Variants in ASTN2 observed in about 807,000 individuals in gnomAD.
ASTN2 encodes the protein astrotactin 2.
In ASTN2, 54 loss-of-function variants were observed where a neutral mutation model predicts 139.8. The ratio of observed to expected loss-of-function variants is 0.39; its 90% CI spans 0.31 to 0.48. ASTN2 has a LOEUF of 0.48. Among genes scored for constraint, ASTN2 ranks in the 20% least tolerant of loss-of-function variants. The probability of loss-of-function intolerance (pLI) is 0.95; values close to 1 mark genes in which losing one functional copy is unlikely to be tolerated. For missense variants in ASTN2, 1,565 were observed against 1,725.1 expected, an observed-to-expected ratio of 0.91 and a Z score of 1.64; for synonymous variants, 756 against 719.5, an observed-to-expected ratio of 1.05 and a Z score of -0.81.
intron 19 of ASTN2, among the ~76,000 whole-genome samples, chr9:116,595,078 C>T (rs920741976): frequency 5.9e-5 from 9 of 152,324 alleles, no homozygotes; most frequent in Admixed American, 3.9e-4. Context: ...CTTAATACTT[C>T]TATGCCCTTA....
At chr9:116,948,932 C>T (rs1028694130) in intron 10 of ASTN2, among the ~76,000 whole-genome samples, 5 of 150,790 alleles carry the variant, frequency 3.3e-5, no homozygotes, top group Admixed American at 2.7e-4. Context: ...GCTGGGATTA[C>T]ATGCACACGC....
intron 7 of ASTN2, among the ~76,000 whole-genome samples, chr9:116,989,739 A>G (rs1836793711): frequency 6.6e-6 from 1 of 152,004 alleles, no homozygotes; most frequent in Non-Finnish European, 1.5e-5. Context: ...ACCCGCCACC[A>G]GGCCCAGCTA....
At chr9:117,217,781 T>C (rs1238447465) in intron 2 of ASTN2, among the ~76,000 whole-genome samples, 1 of 152,232 alleles carries the variant, frequency 6.6e-6, no homozygotes, top group East Asian at 1.9e-4. Context: ...ATTCAGCAAG[T>C]ATACATTCTG....
At chr9:116,642,446 G>A (rs1483238084) in intron 17 of ASTN2, among the ~76,000 whole-genome samples, 1 of 151,984 alleles carries the variant, frequency 6.6e-6, no homozygotes, top group Non-Finnish European at 1.5e-5. Flanking sequence ...TATCCCAAGT[G>A]CCCAGAACAG....
intron 19 of ASTN2, among the ~76,000 whole-genome samples, chr9:116,533,310 G>A (rs1423815014): frequency 6.6e-6 from 1 of 152,084 alleles, no homozygotes; most frequent in Middle Eastern, 3.2e-3. Flanking sequence ...CTGCAAACAG[G>A]GACAATTTGA....
chr9:116,508,485 A>AGTGT lies in ASTN2; in HGVS notation c.3356-20989_3356-20986dup, dbSNP rs112019921. 1.9e-4 allele frequency among the ~76,000 whole-genome samples: 28 copies of AGTGT among 150,206 alleles called. 1 individual carries two copies. In the East Asian group the frequency reaches 2.3e-3, roughly 13 times the overall value. Reference sequence around the variant, plus strand: ...AAGGGTAGAAGTGTGTGTGAGTGTGAGTGTGTGTGTGTGTGTGTACTAGAG... The same window carrying AGTGT: ...AAGGGTAGAAGTGTGTGTGAGTGTGAGTGTGTGTGTGTGTGTGTGTGTACTAGAG... On this transcript the variant is annotated intron_variant, in intron 19 of 22. Coordinates refer to ENST00000313400, the MANE Select transcript of ASTN2 (RefSeq NM_001365068.1).
At chr9:116,513,962 G>A (rs187437684) in intron 19 of ASTN2, among the ~76,000 whole-genome samples, 12 of 151,476 alleles carry the variant, frequency 7.9e-5, no homozygotes, top group East Asian at 7.7e-4. Context: ...CCTTTAGCTC[G>A]GAGAAGTTTG....
In ASTN2 at chr9:116,507,166, A is replaced by C. The variant is rs1476497189; in HGVS notation, c.3356-19666T>G. 2.6e-5 allele frequency among the ~76,000 whole-genome samples: 4 copies of C among 152,298 alleles called. No homozygotes were observed. In the East Asian group the frequency reaches 5.8e-4, roughly 22 times the overall value. On this transcript the variant is annotated intron_variant, in intron 19 of 22. Coordinates refer to ENST00000313400, the MANE Select transcript of ASTN2 (RefSeq NM_001365068.1). ...GATGAAGAAATGGAGACGCAACATC[A>C]GTGAGCGTCTCCAAACTTACACCAA...
chr9:116,881,234 C>T (rs114986827), intron 10 of ASTN2, among the ~76,000 whole-genome samples: 2,385 of 152,214 alleles, frequency 0.016, 63 homozygotes, highest in African/African-American at 0.052. Context: ...GGCCCAGTCA[C>T]GTGTGTTTTA....
intron 13 of ASTN2, among the ~76,000 whole-genome samples, chr9:116,753,669 AAAAAT>A (rs1829459576): frequency 6.6e-6 from 1 of 152,230 alleles, no homozygotes; most frequent in African/African-American, 2.4e-5. Flanking sequence ...AAACTGCCTT[AAAAAT>A]AAAATCTATT....
intron 19 of ASTN2, among the ~76,000 whole-genome samples, chr9:116,523,885 C>T (rs142201283): frequency 6.6e-6 from 1 of 152,288 alleles, no homozygotes; most frequent in Non-Finnish European, 1.5e-5. Context: ...CTCTACAAGG[C>T]AGGCAAAGGA....
At chr9:116,773,342 T>C (rs543834169) in intron 13 of ASTN2, among the ~76,000 whole-genome samples, 3 of 152,188 alleles carry the variant, frequency 2.0e-5, no homozygotes, top group Admixed American at 6.5e-5. Context: ...TTTTCCTCTC[T>C]GAAAGTCTCT....
chr9:117,330,729 C>A (rs541193277), intron 1 of ASTN2, among the ~76,000 whole-genome samples: 4 of 152,190 alleles, frequency 2.6e-5, no homozygotes, highest in African/African-American at 9.7e-5. Context: ...TAATAGGAAA[C>A]CCCAAATTCA....
intron 1 of ASTN2, among the ~76,000 whole-genome samples, chr9:117,319,794 C>T (rs1473245124): frequency 2.0e-5 from 3 of 152,050 alleles, no homozygotes; most frequent in Non-Finnish European, 4.4e-5. Context: ...GTCAGCAAGA[C>T]CCCATTAGAC....
intron 19 of ASTN2, among the ~76,000 whole-genome samples, chr9:116,534,841 A>C (rs1244237941): frequency 6.6e-6 from 1 of 152,170 alleles, no homozygotes; most frequent in Non-Finnish European, 1.5e-5. Context: ...TATTCTGTTG[A>C]CTTGGGGTGG....
At chr9:116,694,851 A>T (rs894687565) in intron 16 of ASTN2, among the ~76,000 whole-genome samples, 8 of 152,062 alleles carry the variant, frequency 5.3e-5, no homozygotes, top group African/African-American at 1.7e-4. Flanking sequence ...TCATAGTTTC[A>T]GATATCCACA....
At chr9:116,729,124 G>A (rs765639765) in intron 14 of ASTN2, 28 bp from the exon 15 acceptor site, 15 of 1,528,060 alleles carry the variant, frequency 9.8e-6, no homozygotes, top group Admixed American at 1.9e-5. Context: ...ATGGTCACGT[G>A]AGCCCAGAAT....
intron 3 of ASTN2, among the ~76,000 whole-genome samples, chr9:117,157,230 C>G (rs550141359): frequency 3.3e-5 from 5 of 151,984 alleles, no homozygotes; most frequent in Admixed American, 3.3e-4. Context: ...AACATCTATC[C>G]CCTAAGCTGT....
At chr9:116,433,369 A>ATCAT (rs2118836610) in intron 22 of ASTN2, among the ~76,000 whole-genome samples, 1 of 152,336 alleles carries the variant, frequency 6.6e-6, no homozygotes, top group Non-Finnish European at 1.5e-5. Flanking sequence ...TAGAGATGAA[A>ATCAT]GAGCTGTGGT....
Sources: allele counts gnomAD v4.1 joint callset (sites outside exome capture counted in the v4.1 genomes callset), GRCh38; gene constraint gnomAD v4.1.1; transcripts MANE v1.5; gene names NCBI Gene and HGNC (gene_info 2026-07-23, HGNC 2026-07-21).